NRG3: variants seen among roughly 807,000 people sequenced by gnomAD.
The protein encoded by NRG3 is pro-neuregulin-3, membrane-bound isoform.
In NRG3, 31 loss-of-function variants were observed where a neutral mutation model predicts 66.9. The ratio of observed to expected loss-of-function variants is 0.46; its 90% CI spans 0.35 to 0.63. The LOEUF is 0.63. NRG3 is among the 20% of genes least tolerant of loss of function. The pLI is 0.00. For missense variants in NRG3, 910 were observed against 878.9 expected, an observed-to-expected ratio of 1.04 and a Z score of -0.45; for synonymous variants, 393 against 359.4, an observed-to-expected ratio of 1.09 and a Z score of -1.06.
At chr10:82,942,315 C>T (rs945744760) in intron 4 of NRG3, among the ~76,000 whole-genome samples, 3 of 152,152 alleles carry the variant, frequency 2.0e-5, no homozygotes, top group East Asian at 1.9e-4. Context: ...GATTTTCTTT[C>T]GGTAGCATTC....
At chr10:82,329,729 G>A (rs184494190) in intron 1 of NRG3, among the ~76,000 whole-genome samples, 89 of 152,238 alleles carry the variant, frequency 5.8e-4, no homozygotes, top group African/African-American at 2.0e-3. Context: ...AATGTCTAAT[G>A]TGCTTTTATC....
chr10:82,436,383 C>G (rs1161171235), intron 2 of NRG3, among the ~76,000 whole-genome samples: 2 of 151,986 alleles, frequency 1.3e-5, no homozygotes, highest in African/African-American at 4.8e-5. Flanking sequence ...TTTCCATTTG[C>G]TTGGTAAATT....
intron 2 of NRG3, among the ~76,000 whole-genome samples, chr10:82,625,013 G>A (rs1203381322): frequency 1.3e-5 from 2 of 150,900 alleles, no homozygotes; most frequent in South Asian, 2.1e-4. Context: ...CCTAAAGGAC[G>A]TTAAAGATCT....
intron 1 of NRG3, among the ~76,000 whole-genome samples, chr10:82,150,530 CAAAAAA>C (rs1188955647): frequency 2.6e-4 from 7 of 26,680 alleles, no homozygotes; most frequent in Non-Finnish European, 4.5e-4. Context: ...AGAGCACACA[CAAAAAA>C]AAAAAAAAAA....
chr10:82,308,393 G>C (rs913531779), intron 1 of NRG3, among the ~76,000 whole-genome samples: 5 of 152,084 alleles, frequency 3.3e-5, no homozygotes, highest in Non-Finnish European at 5.9e-5. Flanking sequence ...CCAGCCAGAA[G>C]GCCATTTTTG....
chr10:81,880,926 A>G (rs907021278), intron 1 of NRG3, among the ~76,000 whole-genome samples: 2 of 152,176 alleles, frequency 1.3e-5, no homozygotes, highest in Admixed American at 6.5e-5. Context: ...TCCACCCAAG[A>G]AAGTGTTCCC....
chr10:82,097,828 G>A (rs1374565155), intron 1 of NRG3, among the ~76,000 whole-genome samples: 1 of 151,756 alleles, frequency 6.6e-6, no homozygotes, highest in Non-Finnish European at 1.5e-5. Context: ...AGTATGTTGT[G>A]GTTTTAATTT....
Position 82,669,755 on chromosome 10 carries a change from C to T in NRG3, c.954-68822C>T, listed in dbSNP as rs540813235. Among the ~76,000 whole-genome samples, 108 of 151,994 alleles carry T rather than the reference C, an allele frequency of 7.1e-4. 1 individual carries two copies. Among genetic ancestry groups the T allele is most frequent in the Non-Finnish European group, 1.1e-3 (78 of 67,942 alleles). ...CATCCTGGCTAACACGGTGAGACCC[C>T]GTCTCTACTAAAAATACAAAAAATA... On this transcript the variant is annotated intron_variant, in intron 2 of 8. Coordinates refer to ENST00000372141, the MANE Select transcript of NRG3 (RefSeq NM_001010848.4).
chr10:82,347,871 C>A (rs2135465476), intron 1 of NRG3, among the ~76,000 whole-genome samples: 1 of 151,936 alleles, frequency 6.6e-6, no homozygotes, highest in South Asian at 2.1e-4. Flanking sequence ...TCTGTTTTAT[C>A]AGAGACTAGG....
intron 1 of NRG3, among the ~76,000 whole-genome samples, chr10:82,304,526 T>G (rs982358501): frequency 1.3e-5 from 2 of 152,220 alleles, no homozygotes; most frequent in Non-Finnish European, 2.9e-5. Flanking sequence ...TTATTTTTCC[T>G]TTCTCTCTTT....
At chr10:82,956,890 G>A (rs1166769856) in intron 5 of NRG3, among the ~76,000 whole-genome samples, 1 of 151,926 alleles carries the variant, frequency 6.6e-6, no homozygotes, top group African/African-American at 2.4e-5. Context: ...ATTACAACAG[G>A]ATTAAAGCAA....
chr10:82,828,213 A>G (rs1400578013), intron 3 of NRG3, among the ~76,000 whole-genome samples: 4 of 152,178 alleles, frequency 2.6e-5, no homozygotes, highest in Admixed American at 2.6e-4. Context: ...TTAACAAAAT[A>G]TATTTGATTA....
intron 2 of NRG3, among the ~76,000 whole-genome samples, chr10:82,557,213 A>G (rs1172106200): frequency 1.3e-5 from 2 of 152,214 alleles, no homozygotes; most frequent in African/African-American, 2.4e-5. Flanking sequence ...AGGAATTGCC[A>G]TACTGCTTTC....
intron 1 of NRG3, chr10:81,877,897 A>G: frequency 2.6e-6 from 4 of 1,535,024 alleles, no homozygotes; most frequent in Non-Finnish European, 1.7e-6. Flanking sequence ...CAATGGATTG[A>G]AAATGAGTCT....
chr10:82,331,788 A>G (rs1589745679), intron 1 of NRG3, among the ~76,000 whole-genome samples: 1 of 152,222 alleles, frequency 6.6e-6, no homozygotes, highest in East Asian at 1.9e-4. Flanking sequence ...GTGACAAAAA[A>G]TAAACATTTT....
chr10:82,520,258 G>C (rs1272329151), intron 2 of NRG3, among the ~76,000 whole-genome samples: 1 of 151,046 alleles, frequency 6.6e-6, no homozygotes, highest in Non-Finnish European at 1.5e-5. Context: ...GGCAGCTTTA[G>C]TCAAAATTAA....
chr10:81,974,504 C>A (rs1395869367), intron 1 of NRG3, among the ~76,000 whole-genome samples: 14 of 152,090 alleles, frequency 9.2e-5, no homozygotes, highest in Admixed American at 9.2e-4. Context: ...GCTCTAAAAT[C>A]CCCCTCCCCG....
At position 82,773,281 on chromosome 10, in the gene NRG3, T is replaced by G. The variant is rs568019730; in HGVS notation, c.1027+34631T>G. On this transcript the variant is annotated intron_variant, in intron 3 of 8. Transcript: ENST00000372141. ...CTTGTCTTTTAGGTCATAGCCATTC[T>G]ACCAGGTGTGATGTGATTATATCCT... 1.1e-4 allele frequency among the ~76,000 whole-genome samples: 17 copies of G among 152,314 alleles called. No homozygotes were observed. In the East Asian group the frequency reaches 1.2e-3, roughly 10 times the overall value.
At chr10:81,890,050 A>G (rs760230560) in intron 1 of NRG3, among the ~76,000 whole-genome samples, 11 of 152,330 alleles carry the variant, frequency 7.2e-5, no homozygotes, top group Non-Finnish European at 1.2e-4. Flanking sequence ...GTAAAAGTCT[A>G]AGGAGCTCTA....
Sources: gnomAD v4.1 joint callset for allele counts (sites outside exome capture counted in the v4.1 genomes callset) on GRCh38, gnomAD v4.1.1 for gene constraint, MANE v1.5 for transcripts, NCBI Gene and HGNC (gene_info 2026-07-23, HGNC 2026-07-21) for gene names.